Variants in NTRK3 observed in about 807,000 individuals in gnomAD.
NTRK3 encodes NT-3 growth factor receptor.
Under a neutral mutation model 91.7 loss-of-function variants are expected in NTRK3, and 24 were observed. The ratio of observed to expected loss-of-function variants is 0.26; its 90% CI spans 0.19 to 0.37. NTRK3 has a LOEUF of 0.37. Among genes scored for constraint, NTRK3 ranks in the 10% least tolerant of loss-of-function variants. The probability of loss-of-function intolerance (pLI) is 1.00; values close to 1 mark genes in which losing one functional copy is unlikely to be tolerated. For synonymous variants in NTRK3, 483 were observed against 404.0 expected, an observed-to-expected ratio of 1.20 and a Z score of -2.34; for missense variants, 880 against 1,068.9, an observed-to-expected ratio of 0.82 and a Z score of 2.46.
intron 3 of NTRK3, among the ~76,000 whole-genome samples, chr15:88,207,560 C>G (rs1291652273): frequency 6.6e-6 from 1 of 152,200 alleles, no homozygotes; most frequent in Non-Finnish European, 1.5e-5. Context: ...GGTGGCAAAG[C>G]AGTATATTAG....
chr15:87,933,127 G>C (rs2141956552), exon 16 of NTRK3: 6 of 1,614,134 alleles, frequency 3.7e-6, no homozygotes, highest in Non-Finnish European at 5.1e-6. Flanking sequence ...AGGTTGGTGA[G>C]CAGCTCGGCC....
In NTRK3 at chr15:87,932,910, G is replaced by A. The variant is rs572994383; in HGVS notation, c.1889+102C>T. On this transcript the variant is annotated intron_variant, in intron 16 of 18. Coordinates refer to ENST00000394480, the Ensembl canonical transcript of NTRK3. ...GTTCATCTAATTTCTCATCCTGAGA[G>A]GAAAGTGTTTAGAGGGGGTAGTATA... is the stretch of plus-strand genomic sequence containing the variant. The A allele has an allele frequency of 1.5e-5, 17 of 1,155,916 alleles. No individual in the cohort carries two copies. The South Asian group carries it at 1.7e-4, about 11-fold the overall frequency. 71.6% of individuals were successfully genotyped at this position (1,155,916 alleles called of 1,614,324 possible).
chr15:87,941,302 C>T (rs1217052925), intron 14 of NTRK3, among the ~76,000 whole-genome samples: 4 of 152,134 alleles, frequency 2.6e-5, no homozygotes, highest in African/African-American at 9.7e-5. Context: ...AGTTATTTAG[C>T]TCCAGAGCCT....
At chr15:88,026,196 A>C (rs2078024703) in intron 14 of NTRK3, among the ~76,000 whole-genome samples, 1 of 152,074 alleles carries the variant, frequency 6.6e-6, no homozygotes, top group African/African-American at 2.4e-5. Flanking sequence ...GTGTGAACCC[A>C]GGAGGTGGAG....
intron 3 of NTRK3, chr15:88,252,869 C>T (rs1045000330): frequency 6.6e-6 from 1 of 152,220 alleles, no homozygotes. Context: ...AACTGATTTC[C>T]TCCAGATACA....
At chr15:88,214,713 T>C (rs1597996324) in intron 3 of NTRK3, among the ~76,000 whole-genome samples, 1 of 147,560 alleles carries the variant, frequency 6.8e-6, no homozygotes, top group African/African-American at 2.5e-5. Context: ...TGCCCCCAAA[T>C]GAACACTCTT....
At chr15:88,084,758 C>T (rs1446754544) in intron 13 of NTRK3, among the ~76,000 whole-genome samples, 1 of 152,182 alleles carries the variant, frequency 6.6e-6, no homozygotes, top group Non-Finnish European at 1.5e-5. Flanking sequence ...ATGAGTGCTC[C>T]ATTTTCTTAA....
exon 19 of NTRK3, chr15:87,869,707 T>C (rs2064774496): frequency 5.0e-6 from 1 of 199,922 alleles, no homozygotes; most frequent in Admixed American, 6.0e-5. Context: ...GATTTACTTC[T>C]CCACTACAAA....
intron 14 of NTRK3, among the ~76,000 whole-genome samples, chr15:87,970,607 G>C (rs963965648): frequency 2.0e-5 from 3 of 152,152 alleles, no homozygotes; most frequent in Admixed American, 1.3e-4. Flanking sequence ...GTAGAATAAG[G>C]TTTGTTTACA....
intron 4 of NTRK3, 104 bp downstream of exon 4, chr15:88,184,121 C>G (rs530431195): frequency 1.8e-6 from 2 of 1,108,808 alleles, no homozygotes; most frequent in Non-Finnish European, 2.7e-6. Flanking sequence ...GGAGAAAGCA[C>G]GGATGGCAGT....
intron 15 of NTRK3, 51 bp from the exon 16 acceptor site, chr15:87,933,235 G>T: frequency 6.3e-7 from 1 of 1,587,036 alleles, no homozygotes; most frequent in Non-Finnish European, 8.6e-7. Context: ...GCAGGGGGCT[G>T]TCTTTTCTAC....
At chr15:88,219,929 T>G (rs967191536) in intron 3 of NTRK3, among the ~76,000 whole-genome samples, 4 of 152,144 alleles carry the variant, frequency 2.6e-5, no homozygotes, top group Non-Finnish European at 5.9e-5. Flanking sequence ...CTGAAGAACT[T>G]GCATCCAAAC....
At chr15:87,905,478 A>G (rs2066711508) in intron 17 of NTRK3, among the ~76,000 whole-genome samples, 1 of 152,182 alleles carries the variant, frequency 6.6e-6, no homozygotes, top group African/African-American at 2.4e-5. Context: ...AATATATGAA[A>G]GTATACCACA....
chr15:87,982,777 G>A (rs1202621051), intron 14 of NTRK3, among the ~76,000 whole-genome samples: 2 of 152,202 alleles, frequency 1.3e-5, no homozygotes, highest in Non-Finnish European at 2.9e-5. Context: ...CAGTTCCCAT[G>A]GTTTTGCCAC....
chr15:88,092,879 A>G (rs2049156340), intron 13 of NTRK3, among the ~76,000 whole-genome samples: 1 of 152,116 alleles, frequency 6.6e-6, no homozygotes, highest in Non-Finnish European at 1.5e-5. Flanking sequence ...CTCCCTTACA[A>G]AAATGCACAT....
At chr15:88,075,923 G>T (rs1332764047) in intron 13 of NTRK3, among the ~76,000 whole-genome samples, 1 of 152,168 alleles carries the variant, frequency 6.6e-6, no homozygotes, top group Non-Finnish European at 1.5e-5. Context: ...CTTTCTATGA[G>T]ATCATGTATG....
At chr15:87,989,474 AG>A (rs35054469) in intron 14 of NTRK3, among the ~76,000 whole-genome samples, 56,204 of 151,904 alleles carry the variant, frequency 0.37, 11,534 homozygotes, top group East Asian at 0.76. Flanking sequence ...GGACACAGGA[AG>A]GGGAACATCA....
intron 13 of NTRK3, among the ~76,000 whole-genome samples, chr15:88,114,523 C>A (rs2051817670): frequency 6.6e-6 from 1 of 152,142 alleles, no homozygotes; most frequent in Non-Finnish European, 1.5e-5. Flanking sequence ...GCTAAAATAT[C>A]ATTCTTGGTA....
exon 19 of NTRK3, chr15:87,872,506 GCA>G: frequency 4.4e-6 from 1 of 228,330 alleles, no homozygotes; most frequent in Non-Finnish European, 8.7e-6. Context: ...TGAGAGATGG[GCA>G]GGCCTCTCTC....
Sources: allele counts gnomAD v4.1 joint callset (sites outside exome capture counted in the v4.1 genomes callset), GRCh38; gene constraint gnomAD v4.1.1; transcripts MANE v1.5; gene names NCBI Gene and HGNC (gene_info 2026-07-23, HGNC 2026-07-21).